The following PML variants were observed in gnomAD, a reference collection of about 807,000 sequenced individuals.
PML encodes the protein protein PML.
Under a neutral mutation model 65.2 loss-of-function variants are expected in PML, and 28 were observed. The ratio of observed to expected loss-of-function variants is 0.43; its 90% CI spans 0.32 to 0.59. The LOEUF (loss-of-function observed/expected upper bound fraction) is 0.59. Among genes scored for constraint, PML ranks in the 20% least tolerant of loss-of-function variants. PML has a pLI of 0.08. For missense variants in PML, 1,021 were observed against 1,203.4 expected, an observed-to-expected ratio of 0.85 and a Z score of 2.24; for synonymous variants, 500 against 508.8, an observed-to-expected ratio of 0.98 and a Z score of 0.23.
chr15:74,022,753 G>A, intron 2 of PML, 75 bp from the exon 3 acceptor site: 3 of 1,177,070 alleles, frequency 2.5e-6, no homozygotes, highest in African/African-American at 1.5e-5. Context: ...TTTTGGAAGA[G>A]GAATTTAATA....
intron 2 of PML, among the ~76,000 whole-genome samples, chr15:74,010,601 CGCCA>C (rs1160891980): frequency 2.0e-5 from 3 of 152,056 alleles, no homozygotes; most frequent in African/African-American, 7.2e-5. Flanking sequence ...ATAGAACCAC[CGCCA>C]GCCAGCCAGA....
chr15:74,025,911 G>C (rs2071050895), intron 4 of PML: 1 of 152,408 alleles, frequency 6.6e-6, no homozygotes, highest in Non-Finnish European at 1.5e-5. Context: ...CAGGTCTTCT[G>C]GTGGTGGGTA....
At position 74,035,553 on chromosome 15, in the gene PML, A is replaced by G. The variant is rs369253046; in HGVS notation, c.1710+1023A>G. ...TGTGGTCCAAGCCAGCACTCCTGCC[A>G]TCACAGGGCCCCTCAACCATCCTGC... On this transcript the variant is annotated intron_variant, in intron 7 of 8. Coordinates refer to ENST00000268058, the MANE Select transcript of PML (RefSeq NM_033238.3). This position sits in a 1 kb window ranked among gnomAD's most constrained non-coding sequence, Gnocchi z 4.1. 1 of 1,610,634 alleles carries G rather than the reference A, an allele frequency of 6.2e-7. No individual in the cohort carries two copies. Among genetic ancestry groups the G allele is most frequent in the Non-Finnish European group, 8.5e-7 (1 of 1,179,252 alleles).
At position 74,037,441 on chromosome 15, in the gene PML, A is replaced by G. The variant is rs1185794688; in HGVS notation, c.1710+2911A>G. ...CCTCCTCATCTCTCTTGCATCTTCT[A>G]ATGTATCCACTGCCTTCTGAACTAA... On this transcript the variant is annotated intron_variant, in intron 7 of 8. Coordinates refer to ENST00000268058, the MANE Select transcript of PML (RefSeq NM_033238.3). The surrounding 1 kb of genome is among the most constrained non-coding windows in gnomAD (Gnocchi z 4.2). 5 of 985,158 alleles carry G rather than the reference A, an allele frequency of 5.1e-6. No homozygotes were observed. The East Asian group carries it at 5.7e-4, about 112-fold the overall frequency. 61.0% of individuals were successfully genotyped at this position (985,158 alleles called of 1,614,324 possible).
intron 2 of PML, among the ~76,000 whole-genome samples, chr15:74,016,504 G>C (rs1216810492): frequency 1.3e-5 from 2 of 151,978 alleles, no homozygotes; most frequent in Admixed American, 6.5e-5. Context: ...GTAATACCTA[G>C]ATGGGATGTT....
intron 2 of PML, among the ~76,000 whole-genome samples, chr15:74,017,831 T>G (rs1046039973): frequency 6.6e-6 from 1 of 152,170 alleles, no homozygotes; most frequent in East Asian, 1.9e-4. Flanking sequence ...TTCCTTACAC[T>G]GATTCCTCAA....
Position 74,019,568 on chromosome 15 carries a change from T to C in PML, c.603-3260T>C, listed in dbSNP as rs80109762. Among the ~76,000 whole-genome samples the C allele has an allele frequency of 3.0e-3, 462 of 152,350 alleles. 1 individual carries two copies. Among genetic ancestry groups the C allele is most frequent in the African/African-American group, 0.011 (447 of 41,582 alleles). On this transcript the variant is annotated intron_variant, in intron 2 of 8. Coordinates refer to ENST00000268058, the MANE Select transcript of PML (RefSeq NM_033238.3). ...CCATAGCCACTTTTATTAATTTGCA[T>C]GTCCTTTTAATATTTATTTATTCAA... is the stretch of plus-strand genomic sequence containing the variant.
chr15:74,018,860 A>C (rs2070713440), intron 2 of PML, among the ~76,000 whole-genome samples: 1 of 152,226 alleles, frequency 6.6e-6, no homozygotes, highest in Admixed American at 6.5e-5. Flanking sequence ...CGCCTTTCTG[A>C]AGATACGGTT....
At chr15:74,041,810 C>A (rs1165779963) in intron 7 of PML, among the ~76,000 whole-genome samples, 1 of 152,180 alleles carries the variant, frequency 6.6e-6, no homozygotes, top group Admixed American at 6.5e-5. Context: ...TAGCCAGAGG[C>A]CAGAATTAAC....
chr15:74,043,423 A>G lies in PML; in HGVS notation c.1861+284A>G. On this transcript the variant is annotated intron_variant, in intron 8 of 8. Transcript: ENST00000268058. This position sits in a 1 kb window ranked among gnomAD's most constrained non-coding sequence, Gnocchi z 4.3. The stretch of plus-strand genomic sequence containing the variant: ...CTTCTCTCAGACAGAGAGCCTGGGG[A>G]ACACACTCCTAGACAGAAACACAAT... 7.2e-7 allele frequency: 1 copy of G among 1,397,608 alleles called. No homozygotes were observed. The highest frequency in any genetic ancestry group is 9.3e-7 in the Non-Finnish European group (1 of 1,073,418). The allele number at this position is 1,397,608 out of a possible 1,614,324, so 86.6% of individuals were successfully genotyped here.
At chr15:74,016,709 GT>G (rs2070593555) in intron 2 of PML, among the ~76,000 whole-genome samples, 1 of 146,972 alleles carries the variant, frequency 6.8e-6, no homozygotes, top group Non-Finnish European at 1.5e-5. Context: ...AACATTTAGT[GT>G]TGTATAACTT....
Position 74,035,075 on chromosome 15 carries a change from GTC to G in PML, c.1710+546_1710+547del. 1.6e-6 allele frequency: 2 copies of G among 1,282,860 alleles called. No individual in the cohort carries two copies. Among genetic ancestry groups the G allele is most frequent in the Non-Finnish European group, 2.3e-6 (2 of 888,836 alleles). The allele number at this position is 1,282,860 out of a possible 1,614,324, so 79.5% of individuals were successfully genotyped here. A position where few individuals can be genotyped will look rare whatever the true frequency, so the allele number is the denominator to read the frequency against. On this transcript the variant is annotated intron_variant, in intron 7 of 8. Coordinates refer to ENST00000268058, the MANE Select transcript of PML (RefSeq NM_033238.3). This position sits in a 1 kb window ranked among gnomAD's most constrained non-coding sequence, Gnocchi z 4.1. The stretch of plus-strand genomic sequence containing the variant: ...ATTACTAGAGGCTGGACTATCACCT[GTC>G]CAGGGGAAAAGGGGATCTGAATAGA...
At position 74,043,807 on chromosome 15, in the gene PML, C is replaced by T; in HGVS notation, c.1862-414C>T. On this transcript the variant is annotated intron_variant, in intron 8 of 8. Coordinates refer to ENST00000268058, the MANE Select transcript of PML (RefSeq NM_033238.3). The surrounding 1 kb of genome is among the most constrained non-coding windows in gnomAD (Gnocchi z 4.3). ...TCTGAGTGGAGTGCTTTCTATGTCC[C>T]AGGGCTCTGACTGGGCTGGGGTCCT... 1 of 534,120 alleles carries T rather than the reference C, an allele frequency of 1.9e-6. No homozygotes were observed. The highest frequency in any genetic ancestry group is 3.7e-6 in the Non-Finnish European group (1 of 271,462). 33.1% of individuals were successfully genotyped at this position (534,120 alleles called of 1,614,324 possible).
At position 74,032,699 on chromosome 15, in the gene PML, G is replaced by A. The variant is rs148158604; in HGVS notation, c.1382G>A (p.Gly461Asp). The A allele has an allele frequency of 1.1e-5, 18 of 1,614,080 alleles. No individual in the cohort carries two copies. The highest frequency in any genetic ancestry group is 1.7e-5 in the Admixed American group (1 of 60,006). The change falls in exon 5 of 9, where the codon GGC becomes GAC. Residue 461 changes from glycine (G) to aspartate (D), a missense_variant. Gly to Asp is a moderately conservative substitution (Grantham distance 94). Coordinates refer to ENST00000268058, the MANE Select transcript of PML (RefSeq NM_033238.3). ...CCAGTGTACGCCTTCTCCATCAAAG[G>A]CCCTTCCTATGGAGAGGTAAGGTTC... ...PVPVYAFSIK[G>D]PSYGEDVSNT...
chr15:74,047,811 AG>A lies in PML; in HGVS notation c.*2804del, dbSNP rs1453519970. 5.6e-6 allele frequency: 1 copy of A among 177,420 alleles called. No individual in the cohort carries two copies. The highest frequency in any genetic ancestry group is 1.2e-5 in the Non-Finnish European group (1 of 82,510). 11.0% of individuals were successfully genotyped at this position (177,420 alleles called of 1,614,324 possible). ...GGAAAATAAACACATTTTAGATCTT[AG>A]AAAAAAACAAAAAAACATGGGCTTG... On this transcript the variant is annotated 3_prime_UTR_variant, in exon 9 of 9. Transcript: ENST00000268058.
chr15:74,025,486 C>CT (rs2071032959), intron 4 of PML: 1 of 167,292 alleles, frequency 6.0e-6, no homozygotes, highest in African/African-American at 2.4e-5. Context: ...TGCCCGGGTT[C>CT]TGCTGGTGTG....
At chr15:74,023,470 G>A (rs2070937390) in intron 3 of PML, 62 bp downstream of exon 3, 2 of 1,292,164 alleles carry the variant, frequency 1.5e-6, no homozygotes, top group Admixed American at 1.8e-5. Flanking sequence ...GGGAAGGCGA[G>A]TCAGAAGAGA....
rs894681242 is a variant in PML at position 74,037,373 on chromosome 15, G to A, written c.1710+2843G>A. On this transcript the variant is annotated intron_variant, in intron 7 of 8. Transcript: ENST00000268058. The surrounding 1 kb of genome is among the most constrained non-coding windows in gnomAD (Gnocchi z 4.2). The stretch of plus-strand genomic sequence containing the variant: ...TCCACCTGCCTCCAGGACTCACCCT[G>A]TGTCCTGGCCCCAGCCCTTGACCCC... 4 of 985,256 alleles carry A rather than the reference G, an allele frequency of 4.1e-6. No individual in the cohort carries two copies. The highest frequency in any genetic ancestry group is 1.1e-4 in the East Asian group (1 of 8,820). The allele number at this position is 985,256 out of a possible 1,614,324, so 61.0% of individuals were successfully genotyped here.
intron 4 of PML, 101 bp from the exon 5 acceptor site, chr15:74,032,458 GCCTGGACCTGTGA>G (rs2071364283): frequency 9.1e-7 from 1 of 1,098,214 alleles, no homozygotes; most frequent in African/African-American, 1.5e-5. Flanking sequence ...GAGTCAGGGA[GCCTGGACCTGTGA>G]CTTGGTGAGG....
Sources: allele counts gnomAD v4.1 joint callset (sites outside exome capture counted in the v4.1 genomes callset), GRCh38; gene constraint gnomAD v4.1.1; non-coding constraint Gnocchi (gnomAD v3.1); transcripts MANE v1.5; gene names NCBI Gene and HGNC (gene_info 2026-07-23, HGNC 2026-07-21).